GALNT13: variants seen among roughly 807,000 people sequenced by gnomAD.
The protein encoded by GALNT13 is UDP-GalNAc:polypeptide N-acetylgalactosaminyltransferase 13.
GALNT13 carries 28 observed loss-of-function variants against 64.2 expected under a neutral mutation model. That is an observed-to-expected ratio of 0.44 (90% CI 0.32 to 0.60). GALNT13 has a LOEUF of 0.60. GALNT13 is among the 20% of genes least tolerant of loss of function. The pLI, the probability that GALNT13 is intolerant of heterozygous loss-of-function variation, is 0.05. For synonymous variants in GALNT13, 214 were observed against 224.6 expected (o/e 0.95, Z 0.42); for missense variants, 577 against 669.8 (o/e 0.86, Z 1.53).
chr2:154,346,105 C>A (rs1696053008), intron 9 of GALNT13, among the ~76,000 whole-genome samples: 3 of 151,894 alleles, frequency 2.0e-5, no homozygotes, highest in Admixed American at 2.0e-4. Flanking sequence ...TCTTTACTGT[C>A]CCTCTGAATT....
At chr2:154,248,721 A>C (rs184136698) in intron 7 of GALNT13, among the ~76,000 whole-genome samples, 1 of 152,272 alleles carries the variant, frequency 6.6e-6, no homozygotes, top group Non-Finnish European at 1.5e-5. Flanking sequence ...CATCAGGTGG[A>C]ATTTAATAGA....
intron 4 of GALNT13, among the ~76,000 whole-genome samples, chr2:154,150,619 T>A (rs1683941303): frequency 6.6e-6 from 1 of 152,224 alleles, no homozygotes; most frequent in African/African-American, 2.4e-5. Context: ...CTGTTATTGG[T>A]CTATTCAGAG....
At chr2:153,259,644 C>T in the GALNT13 span, among the ~76,000 whole-genome samples, 2 of 152,098 alleles carry the variant, frequency 1.3e-5, no homozygotes, top group Admixed American at 6.6e-5. Flanking sequence ...TGCAGTTCCC[C>T]TGCACACGGT....
At chr2:153,082,027 G>T in the GALNT13 span, among the ~76,000 whole-genome samples, 4 of 152,210 alleles carry the variant, frequency 2.6e-5, no homozygotes, top group Admixed American at 2.0e-4. Flanking sequence ...ATTTTTGCCA[G>T]GATTTGTTGT....
intron 1 of GALNT13, among the ~76,000 whole-genome samples, chr2:153,877,546 A>G (rs954590146): frequency 3.3e-5 from 5 of 152,178 alleles, no homozygotes; most frequent in Non-Finnish European, 7.4e-5. Flanking sequence ...TATTACAAGC[A>G]AAGCACCTCT....
At chr2:153,488,385 T>C in the GALNT13 span, among the ~76,000 whole-genome samples, 2 of 152,324 alleles carry the variant, frequency 1.3e-5, no homozygotes, top group Middle Eastern at 3.4e-3. Flanking sequence ...AGACACTGTT[T>C]TTTTCCTCAG....
chr2:154,201,179 T>G (rs1174057096), intron 4 of GALNT13, among the ~76,000 whole-genome samples: 6 of 152,124 alleles, frequency 3.9e-5, no homozygotes, highest in African/African-American at 1.2e-4. Context: ...TGTGTATTAA[T>G]AATGTAATCT....
intron 11 of GALNT13, among the ~76,000 whole-genome samples, chr2:154,430,910 AT>A (rs1226464875): frequency 6.6e-6 from 1 of 152,132 alleles, no homozygotes; most frequent in Non-Finnish European, 1.5e-5. Context: ...ACGATAAAAT[AT>A]TTTTAATTAA....
chr2:154,438,107 T>G (rs1398268496), intron 11 of GALNT13, among the ~76,000 whole-genome samples: 3 of 152,004 alleles, frequency 2.0e-5, no homozygotes, highest in Admixed American at 2.0e-4. Context: ...TCTACAACCT[T>G]CAGAAGCTCA....
chr2:153,910,391 G>T (rs1209354312), intron 2 of GALNT13, among the ~76,000 whole-genome samples: 1 of 151,958 alleles, frequency 6.6e-6, no homozygotes, highest in East Asian at 1.9e-4. Flanking sequence ...CCAACTCCTG[G>T]ATTCATTGAT....
At chr2:153,489,526 T>C in the GALNT13 span, among the ~76,000 whole-genome samples, 1 of 152,158 alleles carries the variant, frequency 6.6e-6, no homozygotes, top group East Asian at 1.9e-4. Flanking sequence ...GTGGGGCATG[T>C]TTATTTTTCC....
chr2:153,858,735 ATTG>A, the GALNT13 span, among the ~76,000 whole-genome samples: 20 of 151,796 alleles, frequency 1.3e-4, no homozygotes, highest in Admixed American at 3.9e-4. Context: ...ATTTATGATT[ATTG>A]TTATTATTTT....
the GALNT13 span, among the ~76,000 whole-genome samples, chr2:153,222,271 G>A: frequency 6.7e-4 from 77 of 114,282 alleles, no homozygotes; most frequent in Non-Finnish European, 1.2e-3. Flanking sequence ...GCTCATTTCC[G>A]CAGGCAGGTT....
chr2:154,359,654 A>G (rs1009297547), intron 9 of GALNT13, among the ~76,000 whole-genome samples: 5 of 152,088 alleles, frequency 3.3e-5, no homozygotes, highest in African/African-American at 9.7e-5. Context: ...TTCCTCCAAA[A>G]TGGCCTTGTA....
the GALNT13 span, among the ~76,000 whole-genome samples, chr2:153,248,034 G>C: frequency 6.6e-6 from 1 of 152,166 alleles, no homozygotes; most frequent in African/African-American, 2.4e-5. Context: ...TGCCTGAATA[G>C]ACCAATAACA....
At position 153,969,861 on chromosome 2, in the gene GALNT13, G is replaced by A. The variant is rs369478425; in HGVS notation, c.142+25222G>A. ...TTATTATTTTACTTATTTGGGGCAT[G>A]CCTAATCCTACTTACTATTTATTAT... On this transcript the variant is annotated intron_variant, in intron 3 of 12. Coordinates refer to ENST00000392825, the MANE Select transcript of GALNT13 (RefSeq NM_052917.4). Among the ~76,000 whole-genome samples, 3 of 152,096 alleles carry A rather than the reference G, an allele frequency of 2.0e-5. 1 individual carries two copies. The highest frequency in any genetic ancestry group is 1.3e-4 in the Admixed American group (2 of 15,256).
intron 1 of GALNT13, among the ~76,000 whole-genome samples, chr2:153,889,575 C>A (rs544309369): frequency 1.3e-5 from 2 of 152,050 alleles, no homozygotes; most frequent in African/African-American, 4.8e-5. Flanking sequence ...ATGCACTTGC[C>A]ATTTTACTAT....
At chr2:153,536,713 T>G in the GALNT13 span, among the ~76,000 whole-genome samples, 2 of 152,224 alleles carry the variant, frequency 1.3e-5, no homozygotes, top group East Asian at 3.8e-4. Context: ...ATAAATGATT[T>G]CTACTCTCAG....
At chr2:154,367,541 T>C (rs1697439273) in intron 9 of GALNT13, among the ~76,000 whole-genome samples, 1 of 152,154 alleles carries the variant, frequency 6.6e-6, no homozygotes, top group Non-Finnish European at 1.5e-5. Flanking sequence ...GTTTTTTTAA[T>C]ATTATGTACC....
Sources: allele counts gnomAD v4.1 joint callset (sites outside exome capture counted in the v4.1 genomes callset), GRCh38; gene constraint gnomAD v4.1.1; transcripts MANE v1.5; gene names NCBI Gene and HGNC (gene_info 2026-07-23, HGNC 2026-07-21).